The following NT5C2 variants were observed in gnomAD, a reference collection of about 807,000 sequenced individuals.
The protein encoded by NT5C2 is cytosolic purine 5'-nucleotidase.
NT5C2 carries 58 observed loss-of-function variants against 76.1 expected under a neutral mutation model. That is an observed-to-expected ratio of 0.76 (90% confidence interval 0.62 to 0.95). NT5C2 has a LOEUF of 0.95. Ranked by LOEUF, NT5C2 falls within the 40% of genes least tolerant of loss-of-function variation. The probability of loss-of-function intolerance (pLI) is 0.00; values close to 1 mark genes in which losing one functional copy is unlikely to be tolerated. For synonymous variants in NT5C2, 229 were observed against 237.4 expected, an observed-to-expected ratio of 0.96 and a Z score of 0.32; for missense variants, 478 against 690.3, an observed-to-expected ratio of 0.69 and a Z score of 3.45.
At chr10:103,106,786 C>G (rs963698304) in intron 4 of NT5C2, 80 bp from the exon 5 acceptor site, 4 of 897,336 alleles carry the variant, frequency 4.5e-6, no homozygotes, top group Non-Finnish European at 5.5e-6. Context: ...AATTTCTGCT[C>G]TTTCCCAGTT....
intron 3 of NT5C2, among the ~76,000 whole-genome samples, chr10:103,154,106 T>C (rs1228885955): frequency 3.9e-5 from 6 of 152,292 alleles, no homozygotes; most frequent in African/African-American, 1.2e-4. Context: ...GTAACATTCC[T>C]GCCTCCCGAC....
At chr10:103,186,071 A>G (rs986656977) in intron 1 of NT5C2, among the ~76,000 whole-genome samples, 3 of 152,248 alleles carry the variant, frequency 2.0e-5, no homozygotes, top group African/African-American at 7.2e-5. Flanking sequence ...TTTACGAAGA[A>G]GTAAACAGGA....
intron 4 of NT5C2, among the ~76,000 whole-genome samples, chr10:103,129,112 C>T (rs1464957926): frequency 6.3e-5 from 8 of 127,002 alleles, no homozygotes; most frequent in Admixed American, 3.7e-4. Flanking sequence ...CCGTGCCGTC[C>T]GGGAGGGAGG....
intron 2 of NT5C2, 116 bp from the exon 3 acceptor site, chr10:103,175,098 T>C: frequency 3.4e-6 from 2 of 596,966 alleles, no homozygotes; most frequent in South Asian, 4.2e-5. Flanking sequence ...TAATTACCTA[T>C]TAAAACACAC....
At chr10:103,111,542 A>G (rs2073044167) in intron 4 of NT5C2, among the ~76,000 whole-genome samples, 1 of 152,230 alleles carries the variant, frequency 6.6e-6, no homozygotes, top group Non-Finnish European at 1.5e-5. Flanking sequence ...TGCTGTTCAT[A>G]CAAGATAGAA....
chr10:103,174,924 G>T lies in NT5C2; in HGVS notation c.35C>A (p.Ala12Glu), dbSNP rs756539515. The T allele has an allele frequency of 6.2e-7, 1 of 1,612,194 alleles. No individual in the cohort carries two copies. Among genetic ancestry groups the T allele is most frequent in the Non-Finnish European group, 8.5e-7 (1 of 1,178,396 alleles). Residue 12 changes from alanine to glutamate, a missense_variant, in exon 3 of 19, where the codon GCA becomes GAA. Ala to Glu is a moderately radical substitution (Grantham distance 107). Coordinates refer to ENST00000404739, the MANE Select transcript of NT5C2 (RefSeq NM_001351169.2). ...STSWSDRLQNAADMPANMDKH... is the reference protein window; with the variant it reads ...STSWSDRLQNEADMPANMDKH... ...ATCCATGTTAGCAGGCATATCTGCT[G>T]CATTCTGTAACCGATCACTCCAGGA...
chr10:103,129,174 T>C (rs1322586354), intron 4 of NT5C2, among the ~76,000 whole-genome samples: 71 of 56,100 alleles, frequency 1.3e-3, no homozygotes, highest in Middle Eastern at 0.019. Context: ...AGGTGAGGGG[T>C]GCCTCTGCCC....
intron 1 of NT5C2, among the ~76,000 whole-genome samples, chr10:103,183,631 T>C (rs1382215677): frequency 1.3e-5 from 2 of 149,978 alleles, no homozygotes; most frequent in Non-Finnish European, 3.0e-5. Flanking sequence ...TATATATATA[T>C]ATACATATAC....
At chr10:103,188,472 A>G (rs1320792012) in intron 1 of NT5C2, among the ~76,000 whole-genome samples, 1 of 152,242 alleles carries the variant, frequency 6.6e-6, no homozygotes, top group Non-Finnish European at 1.5e-5. Flanking sequence ...AGAGATGAAC[A>G]GCCTTACGGA....
At chr10:103,174,711 T>C (rs1205551847) in intron 3 of NT5C2, 147 bp downstream of exon 3, 3 of 607,932 alleles carry the variant, frequency 4.9e-6, no homozygotes, top group African/African-American at 3.7e-5. Flanking sequence ...TAGTTAAAAG[T>C]CTCGACTTAG....
chr10:103,103,123 A>G (rs1239811473), intron 6 of NT5C2, among the ~76,000 whole-genome samples: 3 of 152,242 alleles, frequency 2.0e-5, no homozygotes, highest in Non-Finnish European at 4.4e-5. Flanking sequence ...TCTGACAGTG[A>G]ATACATGGAG....
chr10:103,147,634 C>A (rs1433806269), intron 3 of NT5C2, among the ~76,000 whole-genome samples: 1 of 152,164 alleles, frequency 6.6e-6, no homozygotes, highest in Non-Finnish European at 1.5e-5. Flanking sequence ...TATATGTTGT[C>A]ATAGACATAA....
intron 6 of NT5C2, among the ~76,000 whole-genome samples, chr10:103,102,030 G>C (rs972235356): frequency 6.6e-6 from 1 of 152,178 alleles, no homozygotes; most frequent in African/African-American, 2.4e-5. Flanking sequence ...TTTTAAAGCA[G>C]AGGATAATCC....
intron 3 of NT5C2, among the ~76,000 whole-genome samples, chr10:103,141,643 G>A (rs1166602695): frequency 6.6e-6 from 1 of 151,994 alleles, no homozygotes; most frequent in African/African-American, 2.4e-5. Context: ...CATAAAATAA[G>A]ATTACTTTTG....
intron 2 of NT5C2, chr10:103,175,947 G>A: frequency 6.3e-6 from 1 of 159,474 alleles, no homozygotes; most frequent in Non-Finnish European, 1.4e-5. Flanking sequence ...CCCAGGAAAG[G>A]AAGGCTGCTG....
intron 3 of NT5C2, among the ~76,000 whole-genome samples, chr10:103,156,981 CAT>C (rs2083549994): frequency 2.0e-5 from 3 of 151,946 alleles, no homozygotes; most frequent in Admixed American, 6.6e-5. Context: ...GCCGTGAACC[CAT>C]ATGTCTCCCA....
chr10:103,169,189 G>C (rs1341750600), intron 3 of NT5C2: 1 of 152,004 alleles, frequency 6.6e-6, no homozygotes, highest in Non-Finnish European at 1.5e-5. Context: ...ATGTTAATTG[G>C]CTTGATTTAG....
intron 1 of NT5C2, among the ~76,000 whole-genome samples, chr10:103,185,479 T>A (rs2091894108): frequency 6.6e-6 from 1 of 151,462 alleles, no homozygotes; most frequent in Non-Finnish European, 1.5e-5. Context: ...AACCCCCATC[T>A]CTATAAAAAC....
intron 4 of NT5C2, among the ~76,000 whole-genome samples, chr10:103,113,339 A>C (rs1038131298): frequency 5.9e-5 from 9 of 152,190 alleles, no homozygotes; most frequent in African/African-American, 2.2e-4. Flanking sequence ...CCTACTTCAA[A>C]AATATTCCAT....
Sources: gnomAD v4.1 joint callset for allele counts (sites outside exome capture counted in the v4.1 genomes callset) on GRCh38, gnomAD v4.1.1 for gene constraint, MANE v1.5 for transcripts, NCBI Gene and HGNC (gene_info 2026-07-23, HGNC 2026-07-21) for gene names.